MCTP1: variants seen among roughly 807,000 people sequenced by gnomAD.
The protein encoded by MCTP1 is multiple C2 and transmembrane domain-containing protein 1.
MCTP1 carries 69 observed loss-of-function variants against 120.6 expected under a neutral mutation model. The ratio of observed to expected loss-of-function variants is 0.57; its 90% CI spans 0.47 to 0.70. The LOEUF is 0.70. Among genes scored for constraint, MCTP1 ranks in the 30% least tolerant of loss-of-function variants. The pLI is 0.00. For missense variants in MCTP1, 1,203 were observed against 1,248.8 expected, an observed-to-expected ratio of 0.96 and a Z score of 0.55; for synonymous variants, 529 against 493.1, an observed-to-expected ratio of 1.07 and a Z score of -0.96.
At chr5:95,062,045 T>C (rs1025619512) in intron 1 of MCTP1, among the ~76,000 whole-genome samples, 1 of 152,220 alleles carries the variant, frequency 6.6e-6, no homozygotes, top group Non-Finnish European at 1.5e-5. Context: ...TTATCCAAGC[T>C]AGTAGTTAGC....
Position 95,191,901 on chromosome 5 carries a change from C to G in MCTP1, c.720+91955G>C, listed in dbSNP as rs77486105. Among the ~76,000 whole-genome samples the G allele has an allele frequency of 3.9e-5, 6 of 152,052 alleles. No individual in the cohort carries two copies. The East Asian group carries it at 5.8e-4, about 15-fold the overall frequency. ...AAGTAGGTACACTGAAGATAGAGGT[C>G]TTCATTCTTTTCACAAATTCTACAC... On this transcript the variant is annotated intron_variant, in intron 1 of 22. Transcript: ENST00000515393.
intron 1 of MCTP1, chr5:95,038,140 C>G: frequency 1.0e-6 from 1 of 984,204 alleles, no homozygotes; most frequent in African/African-American, 1.7e-5. Context: ...GGAGTAGGAT[C>G]TCATACACTC....
chr5:95,005,169 C>T (rs910005518), intron 2 of MCTP1, among the ~76,000 whole-genome samples: 25 of 152,082 alleles, frequency 1.6e-4, no homozygotes, highest in African/African-American at 5.3e-4. Context: ...TTCTTGGGTC[C>T]TGTAGCTCTT....
chr5:94,880,796 G>C (rs1037347317), intron 12 of MCTP1, among the ~76,000 whole-genome samples: 1 of 152,124 alleles, frequency 6.6e-6, no homozygotes, highest in Non-Finnish European at 1.5e-5. Flanking sequence ...AATGTAATTT[G>C]TGGAAAATGT....
At position 94,909,251 on chromosome 5, in the gene MCTP1, C is replaced by A; in HGVS notation, c.1652G>T (p.Arg551Met). The A allele has an allele frequency of 6.2e-7, 1 of 1,611,552 alleles. No individual in the cohort carries two copies. The highest frequency in any genetic ancestry group is 8.5e-7 in the Non-Finnish European group (1 of 1,178,786). Residue 551 changes from arginine (R) to methionine (M), a missense_variant and splice_region_variant, in exon 10 of 23, where the codon AGG (arginine) becomes ATG (methionine). By Grantham distance (91) the Arg-to-Met change is moderately conservative. Coordinates refer to ENST00000515393, the MANE Select transcript of MCTP1 (RefSeq NM_024717.7). ...ACCAAAAATTACAAATTGCACAAAC[C>A]TGCCAATGAAATCATCCCTTTTCCC... is the stretch of plus-strand genomic sequence containing the variant. The part of the protein sequence containing the change: ...DAGKRDDFIG[R>M]CQVDLSALSR...
Position 95,278,140 on chromosome 5 carries a change from A to C in MCTP1, c.720+5716T>G, listed in dbSNP as rs116391069. Reference sequence around the variant, plus strand: ...AGAAACTGCTACATATTAGAGGGGAAAATGTATTTGGATAAAATATTGAAT... The same window carrying C: ...AGAAACTGCTACATATTAGAGGGGACAATGTATTTGGATAAAATATTGAAT... On this transcript the variant is annotated intron_variant, in intron 1 of 22. Coordinates refer to ENST00000515393, the MANE Select transcript of MCTP1 (RefSeq NM_024717.7). 8.0e-3 allele frequency among the ~76,000 whole-genome samples: 1,223 copies of C among 152,202 alleles called. 13 individuals are homozygous for C. The highest frequency in any genetic ancestry group is 0.011 in the Non-Finnish European group (776 of 68,014).
chr5:95,102,068 C>T (rs1480804708), intron 1 of MCTP1, among the ~76,000 whole-genome samples: 2 of 152,068 alleles, frequency 1.3e-5, no homozygotes, highest in Non-Finnish European at 1.5e-5. Context: ...CTTTGCAGCT[C>T]CTCATGTTAA....
intron 2 of MCTP1, among the ~76,000 whole-genome samples, chr5:95,008,410 A>G (rs1171993193): frequency 1.3e-5 from 2 of 152,306 alleles, no homozygotes; most frequent in East Asian, 3.9e-4. Flanking sequence ...GTCATTGAAT[A>G]AAGAATGCAC....
At chr5:95,038,066 C>CA (rs776085164) in intron 1 of MCTP1, 6 of 946,966 alleles carry the variant, frequency 6.3e-6, no homozygotes, top group Non-Finnish European at 7.5e-6. Flanking sequence ...AAACAAAACT[C>CA]ACGTGTATTT....
chr5:95,189,311 A>G (rs915943543), intron 1 of MCTP1, among the ~76,000 whole-genome samples: 2 of 152,206 alleles, frequency 1.3e-5, no homozygotes, highest in African/African-American at 4.8e-5. Flanking sequence ...CTGCAAAAGA[A>G]TCTGCAGGCC....
rs548607653 is a variant in MCTP1, at chr5:94,762,740, C to T, written c.2610+16370G>A. Among the ~76,000 whole-genome samples, 94 of 152,298 alleles carry T rather than the reference C, an allele frequency of 6.2e-4. No individual in the cohort carries two copies. In the Middle Eastern group the frequency reaches 0.037, roughly 61 times the overall value. ...TTGTTTTCTGATCTCAGTTTCTTCACCACCAGACAAGCTACTAATTCCTAG... is the reference window on the plus strand; with the variant it reads ...TTGTTTTCTGATCTCAGTTTCTTCATCACCAGACAAGCTACTAATTCCTAG... On this transcript the variant is annotated intron_variant, in intron 19 of 22. Coordinates refer to ENST00000515393, the MANE Select transcript of MCTP1 (RefSeq NM_024717.7).
intron 1 of MCTP1, among the ~76,000 whole-genome samples, chr5:95,038,999 G>T (rs1285649675): frequency 2.0e-5 from 3 of 149,184 alleles, no homozygotes; most frequent in Non-Finnish European, 4.4e-5. Context: ...AGCAGGTTCT[G>T]GTAGTTTTTT....
chr5:95,055,854 AT>A (rs1181552243), intron 1 of MCTP1, among the ~76,000 whole-genome samples: 1 of 152,320 alleles, frequency 6.6e-6, no homozygotes, highest in African/African-American at 2.4e-5. Flanking sequence ...GTGAAAAAAA[AT>A]ATTAAAACAA....
chr5:95,184,930 C>T (rs146286427), intron 1 of MCTP1, among the ~76,000 whole-genome samples: 18 of 152,302 alleles, frequency 1.2e-4, no homozygotes, highest in Admixed American at 3.9e-4. Context: ...TCAGCATTCC[C>T]CACTTCCCAA....
At chr5:95,027,189 T>G (rs986694642) in intron 1 of MCTP1, among the ~76,000 whole-genome samples, 31 of 152,204 alleles carry the variant, frequency 2.0e-4, no homozygotes, top group African/African-American at 7.0e-4. Context: ...TGGGAAAAAT[T>G]ATGGCAAATA....
chr5:95,200,031 C>T (rs934631559), intron 1 of MCTP1, among the ~76,000 whole-genome samples: 3 of 151,806 alleles, frequency 2.0e-5, no homozygotes, highest in South Asian at 2.1e-4. Flanking sequence ...GGTGGTGGCA[C>T]GTGCCTGCAA....
intron 1 of MCTP1, among the ~76,000 whole-genome samples, chr5:95,219,584 G>C (rs79138513): frequency 6.6e-6 from 1 of 152,014 alleles, no homozygotes; most frequent in African/African-American, 2.4e-5. Flanking sequence ...CCACTGCTAC[G>C]ACAACAATAA....
chr5:95,051,065 T>G (rs1745783474), intron 1 of MCTP1, among the ~76,000 whole-genome samples: 1 of 152,134 alleles, frequency 6.6e-6, no homozygotes, highest in South Asian at 2.1e-4. Flanking sequence ...GAGCTGAGAC[T>G]TCCAGCTTCC....
chr5:95,176,119 G>A (rs570436688), intron 1 of MCTP1, among the ~76,000 whole-genome samples: 10 of 152,244 alleles, frequency 6.6e-5, no homozygotes, highest in African/African-American at 2.2e-4. Flanking sequence ...GCTACTTGAT[G>A]TGAAAGGACT....
Sources: gnomAD v4.1 joint callset for allele counts (sites outside exome capture counted in the v4.1 genomes callset) on GRCh38, gnomAD v4.1.1 for gene constraint, MANE v1.5 for transcripts, NCBI Gene and HGNC (gene_info 2026-07-23, HGNC 2026-07-21) for gene names.